Variants in DIAPH2 observed in about 807,000 individuals in gnomAD.
The protein encoded by DIAPH2 is diaphanous related formin 2, also known as protein diaphanous homolog 2.
A neutral mutation model predicts 92.7 loss-of-function variants in DIAPH2; 35 were observed. That is an observed-to-expected ratio of 0.38 (90% confidence interval 0.29 to 0.50). The LOEUF is 0.50. DIAPH2 is among the 20% of genes least tolerant of loss of function. The pLI is 0.94. For synonymous variants in DIAPH2, 301 were observed against 280.4 expected (o/e 1.07, Z -0.73); for missense variants, 701 against 819.5 (o/e 0.86, Z 1.77).
At chrX:96,691,198 G>A (rs2063796568) in intron 1 of DIAPH2, among the ~76,000 whole-genome samples, 1 of 111,452 alleles carries the variant, frequency 9.0e-6, no homozygotes, top group African/African-American at 3.3e-5. Context: ...AGCACTACAG[G>A]GGTTATTGTT....
At chrX:97,136,978 C>A (rs530048266) in intron 21 of DIAPH2, among the ~76,000 whole-genome samples, 2 of 108,798 alleles carry the variant, frequency 1.8e-5, no homozygotes, top group East Asian at 5.9e-4. Flanking sequence ...CTACTAAATT[C>A]TAAGCTTAAG....
At chrX:96,775,499 A>G (rs1342354826) in intron 4 of DIAPH2, among the ~76,000 whole-genome samples, 1 of 109,232 alleles carries the variant, frequency 9.2e-6, no homozygotes, top group Non-Finnish European at 1.9e-5. Context: ...TTCTCTTCGC[A>G]TTATCTAGGA....
intron 24 of DIAPH2, among the ~76,000 whole-genome samples, chrX:97,351,509 G>T (rs1179297993): frequency 8.9e-6 from 1 of 112,225 alleles, no homozygotes; most frequent in Non-Finnish European, 1.9e-5. Flanking sequence ...GGCCAGAGAG[G>T]CCTTCATAGA....
intron 1 of DIAPH2, among the ~76,000 whole-genome samples, chrX:96,734,651 G>T (rs776052672): frequency 1.1e-3 from 122 of 111,439 alleles, no homozygotes; most frequent in African/African-American, 3.9e-3. Flanking sequence ...TAGAAGTTTA[G>T]ATCCCTGAGG....
intron 26 of DIAPH2, among the ~76,000 whole-genome samples, chrX:97,576,538 A>G (rs924158684): frequency 1.8e-5 from 2 of 111,511 alleles, no homozygotes; most frequent in African/African-American, 3.3e-5. Flanking sequence ...CAACAGTGTC[A>G]TGTGCTACAG....
chrX:97,369,218 T>C (rs973923726), intron 24 of DIAPH2, among the ~76,000 whole-genome samples: 12 of 111,905 alleles, frequency 1.1e-4, no homozygotes, highest in Non-Finnish European at 2.1e-4. Flanking sequence ...AGAATCTACC[T>C]TTCAGAGGCT....
At chrX:97,241,985 AG>A (rs1253991208) in intron 22 of DIAPH2, among the ~76,000 whole-genome samples, 2 of 109,995 alleles carry the variant, frequency 1.8e-5, no homozygotes, top group Non-Finnish European at 3.8e-5. Flanking sequence ...CAAGTTGGCC[AG>A]GATGGTCTCG....
intron 25 of DIAPH2, among the ~76,000 whole-genome samples, chrX:97,422,247 A>G: frequency 9.0e-6 from 1 of 111,047 alleles, no homozygotes; most frequent in Non-Finnish European, 1.9e-5. Context: ...CTAGGAGTTC[A>G]GATATTTAGA....
chrX:97,185,455 GTATATATATATATATACACATATA>G (rs1174772594), intron 22 of DIAPH2, among the ~76,000 whole-genome samples: 9 of 9,120 alleles, frequency 9.9e-4, no homozygotes, highest in African/African-American at 3.8e-3. Context: ...ATATGTGTGT[GTATATATATATATATACACATATA>G]TATATATATA....
intron 1 of DIAPH2, among the ~76,000 whole-genome samples, chrX:96,723,934 TTTTTTTTG>T (rs1463583209): frequency 1.0e-4 from 10 of 97,802 alleles, no homozygotes; most frequent in Non-Finnish European, 1.6e-4. Context: ...TTTTTTTTTT[TTTTTTTTG>T]AGACTGAGTC....
chrX:96,855,424 AT>A (rs1229189673), intron 4 of DIAPH2, among the ~76,000 whole-genome samples: 1 of 110,839 alleles, frequency 9.0e-6, no homozygotes, highest in Admixed American at 9.6e-5. Context: ...TACTAAAAAA[AT>A]GTTTTGTTGC....
At chrX:97,165,899 ACTCT>A (rs753262461) in intron 22 of DIAPH2, among the ~76,000 whole-genome samples, 3 of 105,871 alleles carry the variant, frequency 2.8e-5, no homozygotes, top group African/African-American at 3.4e-5. Context: ...CGTCTTCTCT[ACTCT>A]CTCTCTCTCT....
intron 21 of DIAPH2, among the ~76,000 whole-genome samples, chrX:97,134,767 G>A (rs1018188526): frequency 5.4e-5 from 6 of 111,055 alleles, no homozygotes; most frequent in Non-Finnish European, 9.4e-5. Flanking sequence ...GAACTTATTC[G>A]GGACAATAAT....
At chrX:96,888,228 T>G (rs1047119203) in intron 5 of DIAPH2, among the ~76,000 whole-genome samples, 3 of 109,126 alleles carry the variant, frequency 2.7e-5, no homozygotes, top group Non-Finnish European at 5.7e-5. Flanking sequence ...GCCTGGCTAA[T>G]TTTTATATTT....
rs2068155934 is a variant in DIAPH2 at position 97,247,898 on chromosome X, A to G, written c.2844+59A>G. 4 of 1,068,227 alleles carry G rather than the reference A, an allele frequency of 3.7e-6. No homozygotes were observed. In the Admixed American group the frequency reaches 9.6e-5, roughly 26 times the overall value. The allele number at this position is 1,068,227 out of a possible 1,213,427, so 88.0% of individuals were successfully genotyped here. ...TTTTAGTCTCTATGTCTGTCTGTTTACTAACTGTGTGGTTAGTTCTAGATT... is the reference window on the plus strand; with the variant it reads ...TTTTAGTCTCTATGTCTGTCTGTTTGCTAACTGTGTGGTTAGTTCTAGATT... On this transcript the variant is annotated intron_variant, in intron 23 of 26. Transcript: ENST00000324765.
chrX:97,081,259 A>T (rs188938388), intron 19 of DIAPH2, among the ~76,000 whole-genome samples: 1,269 of 109,970 alleles, frequency 0.012, 18 homozygotes, highest in African/African-American at 0.035. Context: ...GTGATTAAAA[A>T]TTTTTTTTTG....
intron 26 of DIAPH2, among the ~76,000 whole-genome samples, chrX:97,583,875 G>A (rs998376723): frequency 1.8e-5 from 2 of 112,272 alleles, no homozygotes; most frequent in African/African-American, 3.2e-5. Context: ...TAATCTCGTG[G>A]TGCGCCATTT....
At chrX:97,515,786 G>A (rs1186271705) in intron 26 of DIAPH2, among the ~76,000 whole-genome samples, 1 of 110,537 alleles carries the variant, frequency 9.0e-6, no homozygotes, top group Admixed American at 9.7e-5. Flanking sequence ...AAGGGCAAGG[G>A]GAAGGTGAGA....
chrX:97,447,226 G>A (rs186319739), intron 26 of DIAPH2, among the ~76,000 whole-genome samples: 104 of 107,924 alleles, frequency 9.6e-4, no homozygotes, highest in African/African-American at 3.1e-3. Context: ...TAAATCTTTC[G>A]CTGAGGAATT....
Sources: allele counts gnomAD v4.1 joint callset (sites outside exome capture counted in the v4.1 genomes callset), GRCh38; gene constraint gnomAD v4.1.1; transcripts MANE v1.5; gene names NCBI Gene and HGNC (gene_info 2026-07-23, HGNC 2026-07-21).